ERICH1: variants seen among roughly 807,000 people sequenced by gnomAD.
The protein encoded by ERICH1 is glutamate rich 1.
ERICH1 carries 56 observed loss-of-function variants against 39.6 expected under a neutral mutation model. That is an observed-to-expected ratio of 1.41 (90% CI 1.14 to 1.77). ERICH1 has a LOEUF of 1.77. Ranked by LOEUF, ERICH1 falls within the 40% of genes most tolerant of loss-of-function variation. The pLI is 0.00. For synonymous variants in ERICH1, 313 were observed against 223.6 expected, an observed-to-expected ratio of 1.40 and a Z score of -3.57; for missense variants, 826 against 575.4, an observed-to-expected ratio of 1.44 and a Z score of -4.45.
intron 3 of ERICH1, among the ~76,000 whole-genome samples, chr8:676,495 G>C (rs1471564394): frequency 9.0e-5 from 12 of 132,704 alleles, no homozygotes; most frequent in Middle Eastern, 4.6e-3. Flanking sequence ...AGACGCGGCG[G>C]CCCCTCGTGA....
At chr8:700,072 GGCGCACAGACCCGCACAC>G (rs1321632995) in intron 2 of ERICH1, among the ~76,000 whole-genome samples, 75 of 98,872 alleles carry the variant, frequency 7.6e-4, no homozygotes, top group Admixed American at 1.4e-3. Flanking sequence ...GGCCCTCACA[GGCGCACAGACCCGCACAC>G]GCGCACAGAC....
At position 668,803 on chromosome 8, in the gene ERICH1, T is replaced by A. The variant is rs767485567; in HGVS notation, c.1064-11A>T. ...CATCTCTGGAGACACCTACATAAAG[T>A]CAGTTTTGCTTGGAAATACAGTTTT... On this transcript the variant is annotated splice_polypyrimidine_tract_variant and intron_variant, in intron 4 of 5. Coordinates refer to ENST00000262109, the MANE Select transcript of ERICH1 (RefSeq NM_207332.3). The A allele has an allele frequency of 1.3e-6, 2 of 1,576,748 alleles. No homozygotes were observed. The highest frequency in any genetic ancestry group is 1.7e-6 in the Non-Finnish European group (2 of 1,163,604).
chr8:692,998 T>C (rs1809266657), intron 2 of ERICH1, among the ~76,000 whole-genome samples: 1 of 152,194 alleles, frequency 6.6e-6, no homozygotes, highest in Non-Finnish European at 1.5e-5. Context: ...GGGATTTCAC[T>C]GCACAGACTT....
At chr8:718,067 C>T (rs1434119514) in intron 1 of ERICH1, among the ~76,000 whole-genome samples, 5 of 151,956 alleles carry the variant, frequency 3.3e-5, no homozygotes, top group Admixed American at 2.0e-4. Flanking sequence ...TGGATCAGAG[C>T]GCACTGAGAA....
chr8:679,723 CTT>C, intron 3 of ERICH1, among the ~76,000 whole-genome samples: 1 of 152,332 alleles, frequency 6.6e-6, no homozygotes, highest in East Asian at 1.9e-4. Context: ...TGCTGAAAGC[CTT>C]TTCTCCAACA....
downstream of ERICH1, among the ~76,000 whole-genome samples, chr8:661,913 C>T (rs571578778): frequency 2.6e-5 from 4 of 152,326 alleles, no homozygotes; most frequent in East Asian, 1.9e-4. Flanking sequence ...AACGGCCACA[C>T]GTGACCCACC....
At chr8:626,994 G>C (rs1407667028) in intron 3 of ERICH1, 2 of 409,538 alleles carry the variant, frequency 4.9e-6, no homozygotes, top group Non-Finnish European at 1.0e-5. Context: ...AGCTTGGCCT[G>C]GTACTCACCA....
At chr8:701,715 AAAC>A in intron 2 of ERICH1, among the ~76,000 whole-genome samples, 1 of 151,428 alleles carries the variant, frequency 6.6e-6, no homozygotes, top group East Asian at 1.9e-4. Flanking sequence ...AAGATTTCTT[AAAC>A]AAAACACAAA....
At chr8:716,197 C>G (rs1815953601) in intron 1 of ERICH1, among the ~76,000 whole-genome samples, 190 bp from the exon 2 acceptor site, 1 of 152,234 alleles carries the variant, frequency 6.6e-6, no homozygotes, top group African/African-American at 2.4e-5. Context: ...CAGAGGAACC[C>G]TTGAGGCTGG....
At chr8:697,293 A>G (rs1385614266) in intron 2 of ERICH1, among the ~76,000 whole-genome samples, 1 of 152,152 alleles carries the variant, frequency 6.6e-6, no homozygotes, top group African/African-American at 2.4e-5. Context: ...GCCTCCTGCC[A>G]GCGCAGGCAC....
intron 4 of ERICH1, chr8:669,051 C>T (rs1479891764): frequency 6.1e-6 from 3 of 489,878 alleles, no homozygotes; most frequent in Middle Eastern, 5.5e-4. Flanking sequence ...ACACCTCTGT[C>T]TGGTGAGACG....
chr8:726,050 C>G (rs573264303), intron 1 of ERICH1, among the ~76,000 whole-genome samples: 1 of 152,328 alleles, frequency 6.6e-6, no homozygotes, highest in South Asian at 2.1e-4. Context: ...AGCAATGACT[C>G]CTGTCCAGTT....
intron 3 of ERICH1, among the ~76,000 whole-genome samples, chr8:632,829 T>C (rs1002134815): frequency 4.6e-5 from 7 of 152,198 alleles, no homozygotes; most frequent in Admixed American, 6.5e-5. Flanking sequence ...GAGTCATTTC[T>C]GGTTTCATAG....
At chr8:616,229 T>C (rs1346336720) in intron 3 of ERICH1, 3 of 230,966 alleles carry the variant, frequency 1.3e-5, no homozygotes, top group Non-Finnish European at 1.8e-5. Flanking sequence ...AGCCCACGAG[T>C]TTCTCTGTGT....
At chr8:700,121 T>C (rs561018132) in intron 2 of ERICH1, among the ~76,000 whole-genome samples, 2 of 37,938 alleles carry the variant, frequency 5.3e-5, no homozygotes, top group Admixed American at 3.1e-4. Flanking sequence ...GCACACACCC[T>C]CACAGGCGCA....
chr8:709,339 G>A (rs1429780829), intron 2 of ERICH1, among the ~76,000 whole-genome samples: 1 of 152,174 alleles, frequency 6.6e-6, no homozygotes, highest in Non-Finnish European at 1.5e-5. Flanking sequence ...GTCACCGAGG[G>A]AACCGAAGCA....
Position 707,277 on chromosome 8 carries a change from G to A in ERICH1, c.169+8584C>T, listed in dbSNP as rs548965748. On this transcript the variant is annotated intron_variant, in intron 2 of 5. Transcript: ENST00000262109. ...GGCTGGAGTGCAATGATGCGATCTT[G>A]GCTCACTGCAACCTCTGCCTCCCGG... Among the ~76,000 whole-genome samples, 5 of 145,240 alleles carry A rather than the reference G, an allele frequency of 3.4e-5. No homozygotes were observed. The East Asian group carries it at 1.0e-3, about 29-fold the overall frequency.
chr8:729,657 A>G (rs1467870418), intron 1 of ERICH1, among the ~76,000 whole-genome samples: 1 of 152,108 alleles, frequency 6.6e-6, no homozygotes, highest in East Asian at 1.9e-4. Flanking sequence ...TTATTAATCT[A>G]TCCTTCCAAC....
chr8:727,584 C>G (rs1819074399), intron 1 of ERICH1, among the ~76,000 whole-genome samples: 2 of 152,342 alleles, frequency 1.3e-5, no homozygotes, highest in South Asian at 4.1e-4. Flanking sequence ...CCTGTGCGTG[C>G]AGCAGTCACA....
Sources: allele counts gnomAD v4.1 joint callset (sites outside exome capture counted in the v4.1 genomes callset), GRCh38; gene constraint gnomAD v4.1.1; transcripts MANE v1.5; gene names NCBI Gene and HGNC (gene_info 2026-07-23, HGNC 2026-07-21).